The following HDAC4 variants were observed in gnomAD, a reference collection of about 807,000 sequenced individuals.
HDAC4 encodes the protein histone deacetylase A.
In HDAC4, 16 loss-of-function variants were observed where a neutral mutation model predicts 135.1. The observed-to-expected ratio is 0.12, with a 90% CI of 0.08 to 0.18. The LOEUF (loss-of-function observed/expected upper bound fraction) is 0.18. Among genes scored for constraint, HDAC4 ranks in the 10% least tolerant of loss-of-function variants. The probability of loss-of-function intolerance (pLI) is 1.00; values close to 1 mark genes in which losing one functional copy is unlikely to be tolerated. For synonymous variants in HDAC4, 685 were observed against 653.4 expected, an observed-to-expected ratio of 1.05 and a Z score of -0.74; for missense variants, 1,143 against 1,511.8, an observed-to-expected ratio of 0.76 and a Z score of 4.05.
intron 8 of HDAC4, among the ~76,000 whole-genome samples, chr2:239,143,663 G>A (rs1032861599): frequency 2.6e-5 from 4 of 152,214 alleles, no homozygotes; most frequent in South Asian, 2.1e-4. Context: ...TGTATTTAGC[G>A]GGTAGGTCTG....
chr2:239,108,107 C>T lies in HDAC4; in HGVS notation c.2055G>A (p.Gly685=), dbSNP rs2038322824. Reference sequence around the variant, plus strand: ...GGCGGGACCAGATGCTCTGGATCCTCCCGGCGTGCTCGGGGTGGCTGCTGC... The same window carrying T: ...GGCGGGACCAGATGCTCTGGATCCTTCCGGCGTGCTCGGGGTGGCTGCTGC... ...GSSSSHPEHA[G]RIQSIWSRLQ... The change falls in exon 15 of 27, where the codon GGG becomes GGA. Residue 685 remains glycine, a synonymous_variant. Coordinates refer to ENST00000543185, the MANE Select transcript of HDAC4 (RefSeq NM_001378414.1). 1 of 1,610,534 alleles carries T rather than the reference C, an allele frequency of 6.2e-7. No individual in the cohort carries two copies. Among genetic ancestry groups the T allele is most frequent in the South Asian group, 1.1e-5 (1 of 90,906 alleles).
intron 4 of HDAC4, among the ~76,000 whole-genome samples, chr2:239,181,826 A>T (rs1220607903): frequency 6.6e-6 from 1 of 152,144 alleles, no homozygotes; most frequent in African/African-American, 2.4e-5. Flanking sequence ...TGGGGAGAAC[A>T]CTCAGAAGAG....
At chr2:239,114,027 C>T (rs1274222713) in intron 13 of HDAC4, among the ~76,000 whole-genome samples, 1 of 152,202 alleles carries the variant, frequency 6.6e-6, no homozygotes, top group African/African-American at 2.4e-5. Flanking sequence ...GACCACTGAG[C>T]ACTGATCCCG....
chr2:239,089,250 T>C (rs764316347), intron 18 of HDAC4, among the ~76,000 whole-genome samples: 3 of 152,174 alleles, frequency 2.0e-5, no homozygotes, highest in Non-Finnish European at 4.4e-5. Context: ...GTCCCAAGAA[T>C]GACGCCGGGC....
intron 2 of HDAC4, among the ~76,000 whole-genome samples, chr2:239,270,302 G>A (rs1283045450): frequency 1.3e-5 from 2 of 152,214 alleles, no homozygotes; most frequent in Admixed American, 1.3e-4. Context: ...GGGAAATTCT[G>A]AGCAAGCCGA....
intron 25 of HDAC4, among the ~76,000 whole-genome samples, chr2:239,054,063 G>A (rs568273511): frequency 1.3e-5 from 2 of 152,030 alleles, no homozygotes; most frequent in African/African-American, 4.8e-5. Context: ...TCAGGCGCAA[G>A]GGGGTGTATG....
rs967502448 is a variant in HDAC4 at position 239,313,876 on chromosome 2, G to C, written c.22+38802C>G. On this transcript the variant is annotated intron_variant, in intron 2 of 26. Coordinates refer to ENST00000543185, the MANE Select transcript of HDAC4 (RefSeq NM_001378414.1). This position sits in a 1 kb window ranked among gnomAD's most constrained non-coding sequence, Gnocchi z 5.1. ...GCCTGGAGCCCAGGGCCTGTCCTGGGGCAGCCACCTGCACTGCCTCTTACC... is the reference window on the plus strand; with the variant it reads ...GCCTGGAGCCCAGGGCCTGTCCTGGCGCAGCCACCTGCACTGCCTCTTACC... Among the ~76,000 whole-genome samples, 1 of 152,148 alleles carries C rather than the reference G, an allele frequency of 6.6e-6. No homozygotes were observed. Among genetic ancestry groups the C allele is most frequent in the African/African-American group, 2.4e-5 (1 of 41,448 alleles).
chr2:239,086,300 G>A (rs1329399538), intron 19 of HDAC4, among the ~76,000 whole-genome samples: 4 of 124,600 alleles, frequency 3.2e-5, no homozygotes, highest in African/African-American at 8.9e-5. Flanking sequence ...CCCTGTACAC[G>A]AAGGAGACTC....
intron 19 of HDAC4, among the ~76,000 whole-genome samples, chr2:239,085,644 C>A (rs1053994778): frequency 6.6e-6 from 1 of 152,242 alleles, no homozygotes; most frequent in South Asian, 2.1e-4. Flanking sequence ...GGAGCAAACA[C>A]GTGGTTTTCA....
chr2:239,400,317 G>T lies in HDAC4; in HGVS notation c.-220+661C>A, dbSNP rs1696877017. The T allele has an allele frequency of 6.7e-6, 1 of 149,774 alleles. No individual in the cohort carries two copies. Among genetic ancestry groups the T allele is most frequent in the African/African-American group, 2.4e-5 (1 of 41,146 alleles). The allele number at this position is 149,774 out of a possible 1,614,324, so 9.3% of individuals were successfully genotyped here. On this transcript the variant is annotated intron_variant, in intron 1 of 26. Transcript: ENST00000543185. The surrounding 1 kb of genome is among the most constrained non-coding windows in gnomAD (Gnocchi z 4.7). Reference sequence around the variant, plus strand: ...CATTTGACAAAGTTACATAAACGGCGCCCGGCCGGCCCCGGCGCCCGCCCG... The same window carrying T: ...CATTTGACAAAGTTACATAAACGGCTCCCGGCCGGCCCCGGCGCCCGCCCG...
intron 25 of HDAC4, 37 bp downstream of exon 25, chr2:239,054,712 G>A (rs753853568): frequency 1.5e-6 from 2 of 1,340,212 alleles, no homozygotes; most frequent in Non-Finnish European, 2.2e-6. Flanking sequence ...CACCCCCAGG[G>A]GCGTGTCCCC....
chr2:239,318,077 G>A (rs1206255160), intron 2 of HDAC4, among the ~76,000 whole-genome samples: 2 of 152,092 alleles, frequency 1.3e-5, no homozygotes, highest in South Asian at 2.1e-4. Context: ...AACAGACTCC[G>A]ACAAAGAACC....
Position 239,163,825 on chromosome 2 carries a change from T to C in HDAC4, c.589A>G (p.Ser197Gly), listed in dbSNP as rs369151373. Residue 197 changes from serine (S) to glycine (G), a missense_variant, in exon 6 of 27, where the codon AGC becomes GGC. By Grantham distance (56) the Ser-to-Gly change is moderately conservative (BLOSUM62 0). Coordinates refer to ENST00000543185, the MANE Select transcript of HDAC4 (RefSeq NM_001378414.1). The part of the protein sequence containing the change: ...AHRNLNHCIS[S>G]DPRYWYGKTQ... ...TACCCGTACCAGTAGCGAGGGTCGCTGGAAATGCAGTGGTTCAGATTCCGG... is the reference window on the plus strand; with the variant it reads ...TACCCGTACCAGTAGCGAGGGTCGCCGGAAATGCAGTGGTTCAGATTCCGG... 1.2e-6 allele frequency: 2 copies of C among 1,614,024 alleles called. No individual in the cohort carries two copies. The highest frequency in any genetic ancestry group is 2.7e-5 in the African/African-American group (2 of 74,932).
intron 3 of HDAC4, among the ~76,000 whole-genome samples, chr2:239,232,406 G>A (rs2047627803): frequency 1.3e-5 from 2 of 152,196 alleles, no homozygotes; most frequent in Admixed American, 6.5e-5. Flanking sequence ...CTCAGTCAAT[G>A]GCTCTGTTTG....
At chr2:239,230,132 T>C (rs1380516504) in intron 3 of HDAC4, among the ~76,000 whole-genome samples, 1 of 152,086 alleles carries the variant, frequency 6.6e-6, no homozygotes, top group Non-Finnish European at 1.5e-5. Flanking sequence ...GCTGGTCAGC[T>C]GGGCCTGAAC....
rs772238581 is a variant in HDAC4 at position 239,126,646 on chromosome 2, A to G, written c.1343T>C (p.Leu448Ser). The change falls in exon 12 of 27, where the codon TTG becomes TCG. Residue 448 changes from leucine (L) to serine (S), a missense_variant. Leu to Ser is a moderately radical substitution (Grantham distance 145). This residue lies in a region of HDAC4 where 272 missense variants were observed against 309.7 expected (regional missense o/e 0.88). Transcript: ENST00000543185. ...GGGGGACACCCGGTCTGCACCAACC[A>G]AGGACTGTGCGTGGAGGGGCAGTGC... ...LGALPLHAQSLVGADRVSPSI... is the reference protein window; with the variant it reads ...LGALPLHAQSSVGADRVSPSI... 6.2e-7 allele frequency: 1 copy of G among 1,613,898 alleles called. No homozygotes were observed. The highest frequency in any genetic ancestry group is 8.5e-7 in the Non-Finnish European group (1 of 1,179,934).
chr2:239,326,753 T>A (rs2053480439), intron 2 of HDAC4, among the ~76,000 whole-genome samples: 1 of 152,212 alleles, frequency 6.6e-6, no homozygotes, highest in South Asian at 2.1e-4. Context: ...AAACTCTCTA[T>A]GATTTGCTAG....
At chr2:239,379,450 C>T (rs1478914185) in intron 1 of HDAC4, among the ~76,000 whole-genome samples, 2 of 152,160 alleles carry the variant, frequency 1.3e-5, no homozygotes, top group African/African-American at 2.4e-5. Flanking sequence ...TGTCACCCTC[C>T]AGTCCCTCAA....
chr2:239,246,759 A>G (rs1235001151), intron 2 of HDAC4, among the ~76,000 whole-genome samples: 1 of 152,256 alleles, frequency 6.6e-6, no homozygotes, highest in Admixed American at 6.5e-5. Context: ...CAAGTGGCAC[A>G]GGCCAGCTGA....
Sources: allele counts gnomAD v4.1 joint callset (sites outside exome capture counted in the v4.1 genomes callset), GRCh38; gene constraint gnomAD v4.1.1; regional missense constraint gnomAD v4.1.1; non-coding constraint Gnocchi (gnomAD v3.1); transcripts MANE v1.5; gene names NCBI Gene and HGNC (gene_info 2026-07-23, HGNC 2026-07-21).